PCDHGA12: variants seen among roughly 807,000 people sequenced by gnomAD.
PCDHGA12 encodes protocadherin gamma-A12.
In PCDHGA12, 43 loss-of-function variants were observed where a neutral mutation model predicts 61.1. The observed-to-expected ratio is 0.70, with a 90% CI of 0.55 to 0.91. The LOEUF (loss-of-function observed/expected upper bound fraction) is 0.91. Ranked by LOEUF, PCDHGA12 falls within the 40% of genes least tolerant of loss-of-function variation. The pLI is 0.00. For synonymous variants in PCDHGA12, 520 were observed against 542.9 expected, an observed-to-expected ratio of 0.96 and a Z score of 0.59; for missense variants, 1,236 against 1,227.7, an observed-to-expected ratio of 1.01 and a Z score of -0.10.
intron 1 of PCDHGA12, 132 bp downstream of exon 1, chr5:141,433,315 TCCGGTGTAACAGGGACTA>T: frequency 1.2e-6 from 1 of 856,086 alleles, no homozygotes; most frequent in Non-Finnish European, 1.8e-6. Flanking sequence ...CACCTTTGCC[TCCGGTGTAACAGGGACTA>T]CAGGTGCAAG....
At position 141,433,054 on chromosome 5, in the gene PCDHGA12, G is replaced by A; in HGVS notation, c.2295G>A (p.Lys765=). 1.2e-6 allele frequency: 2 copies of A among 1,614,196 alleles called. No individual in the cohort carries two copies. Among genetic ancestry groups the A allele is most frequent in the Non-Finnish European group, 1.7e-6 (2 of 1,180,038 alleles). The change falls in exon 1 of 4, where the codon AAG becomes AAA. Residue 765 remains lysine, a synonymous_variant. Coordinates refer to ENST00000252085, the MANE Select transcript of PCDHGA12 (RefSeq NM_003735.3). ...HEVSLTTDSR[K]SHLIFPQPNY... ...TTTCCCTCACCACGGACTCGCGGAA[G>A]AGTCACCTGATCTTCCCCCAGCCCA...
intron 1 of PCDHGA12, among the ~76,000 whole-genome samples, chr5:141,467,707 G>A (rs1203906639): frequency 6.6e-6 from 1 of 152,140 alleles, no homozygotes; most frequent in Non-Finnish European, 1.5e-5. Flanking sequence ...TGTTGCCCAG[G>A]CTGGAGTGTA....
In PCDHGA12 at chr5:141,485,101, T is replaced by C; in HGVS notation, c.2425-9706T>C. On this transcript the variant is annotated intron_variant, in intron 1 of 3. Coordinates refer to ENST00000252085, the MANE Select transcript of PCDHGA12 (RefSeq NM_003735.3). The surrounding 1 kb of genome is among the most constrained non-coding windows in gnomAD (Gnocchi z 5.7). ...GGAAAGGGAGATAGGTGTCTCCAGC[T>C]GCTGTGGCTGTTTGGGGCGGGTCGG... 1 of 1,158,208 alleles carries C rather than the reference T, an allele frequency of 8.6e-7. No homozygotes were observed. Among genetic ancestry groups the C allele is most frequent in the South Asian group, 1.4e-5 (1 of 72,622 alleles). The allele number at this position is 1,158,208 out of a possible 1,614,324, so 71.7% of individuals were successfully genotyped here.
chr5:141,491,702 T>A lies in PCDHGA12; in HGVS notation c.2425-3105T>A. The A allele has an allele frequency of 6.2e-7, 1 of 1,611,514 alleles. No homozygotes were observed. Among genetic ancestry groups the A allele is most frequent in the Non-Finnish European group, 8.5e-7 (1 of 1,178,984 alleles). ...AATACGCTGCGGGAGCGGAGCCAGG[T>A]GAGGGGCTCGGCGCCGCCCCGGGCG... On this transcript the variant is annotated intron_variant, in intron 1 of 3. Coordinates refer to ENST00000252085, the MANE Select transcript of PCDHGA12 (RefSeq NM_003735.3). The surrounding 1 kb of genome is among the most constrained non-coding windows in gnomAD (Gnocchi z 6.9).
At chr5:141,509,411 AGCC>A (rs2099876675) in intron 3 of PCDHGA12, among the ~76,000 whole-genome samples, 2 of 152,098 alleles carry the variant, frequency 1.3e-5, no homozygotes, top group Admixed American at 1.3e-4. Flanking sequence ...TCCAGCAGCG[AGCC>A]CCAATGAGTC....
chr5:141,477,315 C>G lies in PCDHGA12; in HGVS notation c.2425-17492C>G. 2 of 1,614,188 alleles carry G rather than the reference C, an allele frequency of 1.2e-6. No individual in the cohort carries two copies. Among genetic ancestry groups the G allele is most frequent in the African/African-American group, 2.7e-5 (2 of 75,042 alleles). On this transcript the variant is annotated intron_variant, in intron 1 of 3. Coordinates refer to ENST00000252085, the MANE Select transcript of PCDHGA12 (RefSeq NM_003735.3). The surrounding 1 kb of genome is among the most constrained non-coding windows in gnomAD (Gnocchi z 4.9). ...CCACCGGGTCTCCCTTTCAGCCTTA[C>G]TTCTTCCCTCAAGAATTACTTCACT...
chr5:141,452,710 G>GAAGT (rs1343622540), intron 1 of PCDHGA12, among the ~76,000 whole-genome samples: 1 of 151,996 alleles, frequency 6.6e-6, no homozygotes, highest in Non-Finnish European at 1.5e-5. Flanking sequence ...AGAAAGGAAG[G>GAAGT]AATGAGGGAG....
intron 2 of PCDHGA12, among the ~76,000 whole-genome samples, chr5:141,503,132 CCT>C (rs1388312522): frequency 6.6e-6 from 1 of 151,994 alleles, no homozygotes; most frequent in Non-Finnish European, 1.5e-5. Flanking sequence ...TCTGGTAGCC[CCT>C]GACACAGCCC....
At chr5:141,436,347 CT>C (rs1402378657) in intron 1 of PCDHGA12, among the ~76,000 whole-genome samples, 1 of 152,118 alleles carries the variant, frequency 6.6e-6, no homozygotes, top group African/African-American at 2.4e-5. Context: ...ATATCAGTGA[CT>C]TCAATCAACT....
intron 1 of PCDHGA12, chr5:141,478,308 T>A: frequency 6.2e-7 from 1 of 1,614,050 alleles, no homozygotes; most frequent in Non-Finnish European, 8.5e-7. Context: ...CGAGCCCCGG[T>A]GAGCTCACTG....
chr5:141,434,261 G>A (rs1269166732), intron 1 of PCDHGA12, among the ~76,000 whole-genome samples: 2 of 152,194 alleles, frequency 1.3e-5, no homozygotes. Context: ...TTGTGGGGGA[G>A]GTGGAAATTA....
intron 1 of PCDHGA12, among the ~76,000 whole-genome samples, chr5:141,449,929 T>C (rs2098659723): frequency 6.6e-6 from 1 of 151,912 alleles, no homozygotes; most frequent in Non-Finnish European, 1.5e-5. Context: ...TACCATACCT[T>C]ATAGTATATT....
At chr5:141,445,612 CT>C (rs996122021) in intron 1 of PCDHGA12, among the ~76,000 whole-genome samples, 1 of 151,994 alleles carries the variant, frequency 6.6e-6, no homozygotes, top group Non-Finnish European at 1.5e-5. Flanking sequence ...GGAAGGCTTT[CT>C]TTTTTTCGGA....
At chr5:141,470,139 A>AT (rs146570937) in intron 1 of PCDHGA12, among the ~76,000 whole-genome samples, 7,047 of 152,316 alleles carry the variant, frequency 0.046, 200 homozygotes, top group Middle Eastern at 0.092. Flanking sequence ...AAAAAAAAAG[A>AT]TCATAGATCA....
rs183549806 is a variant in PCDHGA12 at position 141,487,760 on chromosome 5, G to A, written c.2425-7047G>A. ...TGTAAGAGGTAACTATGTGGTAGAC[G>A]CTGTGCTTTGTAACTGTTTCGTGAA... On this transcript the variant is annotated intron_variant, in intron 1 of 3. Transcript: ENST00000252085. The surrounding 1 kb of genome is among the most constrained non-coding windows in gnomAD (Gnocchi z 5.0). 42 of 1,545,950 alleles carry A rather than the reference G, an allele frequency of 2.7e-5. No homozygotes were observed. The African/African-American group carries it at 3.8e-4, about 14-fold the overall frequency.
At chr5:141,496,021 G>T (rs1011612662) in intron 2 of PCDHGA12, among the ~76,000 whole-genome samples, 2 of 151,336 alleles carry the variant, frequency 1.3e-5, no homozygotes, top group African/African-American at 4.9e-5. Flanking sequence ...TTTTCTCTGA[G>T]CCTCTGTCTC....
chr5:141,508,451 C>T (rs1245251907), intron 3 of PCDHGA12, among the ~76,000 whole-genome samples: 1 of 152,180 alleles, frequency 6.6e-6, no homozygotes, highest in Admixed American at 6.5e-5. Flanking sequence ...AGTGGCAGAG[C>T]AGAGCAAATA....
rs374095590 is a variant in PCDHGA12, at chr5:141,431,523, T to C, written c.764T>C (p.Leu255Pro). Residue 255 changes from leucine to proline, a missense_variant, in exon 1 of 4, where the codon CTG (leucine) becomes CCG (proline). Leu to Pro is a moderately conservative substitution (Grantham distance 98). Coordinates refer to ENST00000252085, the MANE Select transcript of PCDHGA12 (RefSeq NM_003735.3). This position sits in a 1 kb window ranked among gnomAD's most constrained non-coding sequence, Gnocchi z 4.8. ...TACCGCGCGAGCGTTCCGGAGAATC[T>C]GGCCTTGGGCACGCAGCTGCTTGTA... ...PEYRASVPEN[L>P]ALGTQLLVVN... 13 of 1,613,952 alleles carry C rather than the reference T, an allele frequency of 8.1e-6. No homozygotes were observed. The African/African-American group carries it at 1.5e-4, about 18-fold the overall frequency.
At chr5:141,443,665 AACT>A (rs2154560310) in intron 1 of PCDHGA12, among the ~76,000 whole-genome samples, 1 of 152,358 alleles carries the variant, frequency 6.6e-6, no homozygotes, top group African/African-American at 2.4e-5. Context: ...CATTTTACTG[AACT>A]AGTAGTTTAC....
Sources: gnomAD v4.1 joint callset for allele counts (sites outside exome capture counted in the v4.1 genomes callset) on GRCh38, gnomAD v4.1.1 for gene constraint, Gnocchi (gnomAD v3.1) non-coding constraint, MANE v1.5 for transcripts, NCBI Gene and HGNC (gene_info 2026-07-23, HGNC 2026-07-21) for gene names.